Variants in CNTN5 observed in about 807,000 individuals in gnomAD.
CNTN5 encodes the protein contactin 5.
Under a neutral mutation model 129.1 loss-of-function variants are expected in CNTN5, and 77 were observed. The ratio of observed to expected loss-of-function variants is 0.60; its 90% CI spans 0.50 to 0.72. The LOEUF (loss-of-function observed/expected upper bound fraction) is 0.72, where lower values mean the gene tolerates loss of function less well. CNTN5 is among the 30% of genes least tolerant of loss of function. The pLI is 0.00. For synonymous variants in CNTN5, 509 were observed against 465.6 expected, an observed-to-expected ratio of 1.09 and a Z score of -1.20; for missense variants, 1,478 against 1,328.8, an observed-to-expected ratio of 1.11 and a Z score of -1.75.
At chr11:100,228,094 T>C (rs1949415788) in intron 16 of CNTN5, among the ~76,000 whole-genome samples, 1 of 152,234 alleles carries the variant, frequency 6.6e-6, no homozygotes, top group African/African-American at 2.4e-5. Flanking sequence ...CTAGGAGTGA[T>C]AGCACTATCT....
intron 1 of CNTN5, among the ~76,000 whole-genome samples, chr11:99,100,565 A>G (rs1021451432): frequency 4.6e-5 from 7 of 152,270 alleles, no homozygotes; most frequent in African/African-American, 1.4e-4. Flanking sequence ...ACTTGTAATT[A>G]GTAATCTATT....
intron 7 of CNTN5, 32 bp from the exon 8 acceptor site, chr11:99,956,774 T>C (rs1489060883): frequency 1.3e-6 from 2 of 1,553,468 alleles, no homozygotes; most frequent in Non-Finnish European, 1.8e-6. Context: ...AAAATCAAAG[T>C]CTTTCGTTGA....
chr11:99,827,130 C>T (rs1160523737), intron 4 of CNTN5, among the ~76,000 whole-genome samples: 2 of 152,090 alleles, frequency 1.3e-5, no homozygotes, highest in Non-Finnish European at 2.9e-5. Context: ...CTCTGTGGCC[C>T]AGGCTGGAGT....
chr11:99,297,263 C>G (rs1212226982), intron 1 of CNTN5, among the ~76,000 whole-genome samples: 1 of 152,168 alleles, frequency 6.6e-6, no homozygotes, highest in African/African-American at 2.4e-5. Context: ...GAGAAAGACC[C>G]ATCCATTGAA....
chr11:100,335,856 C>T (rs1428549687), intron 21 of CNTN5, among the ~76,000 whole-genome samples: 1 of 151,724 alleles, frequency 6.6e-6, no homozygotes, highest in African/African-American at 2.4e-5. Flanking sequence ...TTCCTGTCTG[C>T]CACTAATATT....
At position 99,844,897 on chromosome 11, in the gene CNTN5, T is replaced by C; in HGVS notation, c.323T>C (p.Ile108Thr). ...GTTTTTGTGCAAGAACCAGATGATA[T>C]TATTTTTCCAACTGATTCTGATGAA... is the stretch of plus-strand genomic sequence containing the variant. ...GPVFVQEPDD[I>T]IFPTDSDEKK... Residue 108 changes from isoleucine to threonine, a missense_variant, in exon 5 of 25, where the codon ATT (isoleucine) becomes ACT (threonine). Transcript: ENST00000524871. 1 of 1,613,614 alleles carries C rather than the reference T, an allele frequency of 6.2e-7. No homozygotes were observed. Among genetic ancestry groups the C allele is most frequent in the South Asian group, 1.1e-5 (1 of 91,070 alleles).
intron 21 of CNTN5, among the ~76,000 whole-genome samples, chr11:100,339,204 G>T (rs1280542011): frequency 1.3e-5 from 2 of 152,108 alleles, no homozygotes; most frequent in Non-Finnish European, 2.9e-5. Context: ...ACTGGCAAGG[G>T]CAAAGGGCTG....
chr11:99,565,841 A>G (rs1347735434), intron 3 of CNTN5, among the ~76,000 whole-genome samples: 1 of 152,058 alleles, frequency 6.6e-6, no homozygotes, highest in Non-Finnish European at 1.5e-5. Context: ...ATTTCAGCCA[A>G]CCTTCAGAGG....
rs1348970207 is a variant in CNTN5, at chr11:99,133,627, A to AAAAAAAAAT, written c.-210+112358_-210+112359insAAAAAAATA. 6.8e-4 allele frequency among the ~76,000 whole-genome samples: 47 copies of AAAAAAAAAT among 68,806 alleles called. 2 individuals carry two copies. Among genetic ancestry groups the AAAAAAAAAT allele is most frequent in the African/African-American group, 2.2e-3 (41 of 18,622 alleles). 45.1% of individuals were successfully genotyped at this position (68,806 alleles called of 152,430 possible). A position where few individuals can be genotyped will look rare whatever the true frequency, so the allele number is the denominator to read the frequency against. On this transcript the variant is annotated intron_variant, in intron 1 of 24. Transcript: ENST00000524871. Reference sequence around the variant, plus strand: ...AACAGACACTTCTCAAGAAAAAAAAAAGACCATACATGCAGCTAACATGAA... The same window carrying AAAAAAAAAT: ...AACAGACACTTCTCAAGAAAAAAAAAAAAAAAAATAGACCATACATGCAGCTAACATGAA...
chr11:99,154,711 G>A (rs544213708), intron 1 of CNTN5, among the ~76,000 whole-genome samples: 115 of 152,230 alleles, frequency 7.6e-4, no homozygotes, highest in African/African-American at 2.6e-3. Flanking sequence ...GTGCTCCGCC[G>A]AGGACCTCCA....
intron 2 of CNTN5, among the ~76,000 whole-genome samples, chr11:99,429,406 A>C (rs2726413): frequency 0.6 from 91,082 of 151,882 alleles, 27,702 homozygotes; most frequent in African/African-American, 0.69. Flanking sequence ...TTTTCTTGAT[A>C]ATCTACTTCA....
At chr11:99,392,202 T>G (rs1245869964) in intron 2 of CNTN5, among the ~76,000 whole-genome samples, 1 of 151,156 alleles carries the variant, frequency 6.6e-6, no homozygotes, top group African/African-American at 2.4e-5. Flanking sequence ...TTGTACTCAA[T>G]AAATAATAAA....
chr11:100,134,361 A>G (rs1011498544), intron 13 of CNTN5, among the ~76,000 whole-genome samples: 1 of 152,106 alleles, frequency 6.6e-6, no homozygotes, highest in African/African-American at 2.4e-5. Flanking sequence ...CAGCCTCCAC[A>G]TTTTATTGGC....
chr11:99,625,709 C>T (rs959202112), intron 3 of CNTN5, among the ~76,000 whole-genome samples: 9 of 152,022 alleles, frequency 5.9e-5, no homozygotes, highest in Non-Finnish European at 1.2e-4. Flanking sequence ...TCTGTACATA[C>T]ATCCCATCAC....
intron 3 of CNTN5, among the ~76,000 whole-genome samples, chr11:99,741,794 G>A (rs1943895095): frequency 1.3e-5 from 2 of 151,992 alleles, no homozygotes; most frequent in Admixed American, 6.6e-5. Flanking sequence ...GGCAGGTTAA[G>A]TATTTTTTTC....
chr11:100,181,814 A>G (rs1948146534), intron 13 of CNTN5, among the ~76,000 whole-genome samples: 1 of 152,050 alleles, frequency 6.6e-6, no homozygotes, highest in Non-Finnish European at 1.5e-5. Context: ...AAAGATGTCT[A>G]AGATCTATAG....
intron 21 of CNTN5, among the ~76,000 whole-genome samples, chr11:100,327,002 C>A (rs761841649): frequency 3.7e-4 from 56 of 152,112 alleles, no homozygotes; most frequent in Admixed American, 2.2e-3. Flanking sequence ...TCAGGTAGAG[C>A]CTTGAAGCCA....
At chr11:100,311,486 G>A (rs1212370411) in intron 21 of CNTN5, among the ~76,000 whole-genome samples, 1 of 151,912 alleles carries the variant, frequency 6.6e-6, no homozygotes, top group South Asian at 2.1e-4. Context: ...ATAACTATGG[G>A]AAATCATAAG....
intron 1 of CNTN5, among the ~76,000 whole-genome samples, chr11:99,177,240 A>C (rs1451243537): frequency 6.6e-6 from 1 of 152,026 alleles, no homozygotes; most frequent in East Asian, 1.9e-4. Flanking sequence ...TCCTTGCTTA[A>C]TTTTCCTTAA....
Sources: allele counts gnomAD v4.1 joint callset (sites outside exome capture counted in the v4.1 genomes callset), GRCh38; gene constraint gnomAD v4.1.1; transcripts MANE v1.5; gene names NCBI Gene and HGNC (gene_info 2026-07-23, HGNC 2026-07-21).